Variants in RIMBP2 observed in about 807,000 individuals in gnomAD.
RIMBP2 encodes RIMS-binding protein 2.
In RIMBP2, 48 loss-of-function variants were observed where a neutral mutation model predicts 118.6. That is an observed-to-expected ratio of 0.40 (90% confidence interval 0.32 to 0.51). The LOEUF is 0.51. Among genes scored for constraint, RIMBP2 ranks in the 20% least tolerant of loss-of-function variants. RIMBP2 has a pLI of 0.41. For synonymous variants in RIMBP2, 762 were observed against 742.9 expected (o/e 1.03, Z -0.42); for missense variants, 1,551 against 1,768.3 (o/e 0.88, Z 2.20).
intron 12 of RIMBP2, 21 bp downstream of exon 12, chr12:130,438,344 A>AC: frequency 3.4e-5 from 23 of 685,442 alleles, no homozygotes; most frequent in South Asian, 5.2e-5. Context: ...AACCCTCCCC[A>AC]CCCACCCAAC....
chr12:130,444,296 C>T (rs1332140082), intron 10 of RIMBP2, among the ~76,000 whole-genome samples: 3 of 152,086 alleles, frequency 2.0e-5, no homozygotes, highest in African/African-American at 4.8e-5. Flanking sequence ...TGAGGCAGCT[C>T]GACTGCTGGG....
chr12:130,591,602 C>T (rs1208921815), intron 2 of RIMBP2, among the ~76,000 whole-genome samples: 4 of 152,314 alleles, frequency 2.6e-5, no homozygotes, highest in African/African-American at 9.6e-5. Flanking sequence ...CTCCTTCCAG[C>T]CCCTTCCAGC....
At chr12:130,626,833 C>T (rs896229101) in intron 2 of RIMBP2, among the ~76,000 whole-genome samples, 2 of 150,630 alleles carry the variant, frequency 1.3e-5, no homozygotes, top group African/African-American at 2.4e-5. Flanking sequence ...ACCACCATCT[C>T]CTCCATCACC....
At chr12:130,561,745 C>T (rs773083145) in intron 2 of RIMBP2, among the ~76,000 whole-genome samples, 43 of 152,108 alleles carry the variant, frequency 2.8e-4, no homozygotes, top group Non-Finnish European at 3.8e-4. Context: ...GGTTTCTGAA[C>T]GCAGAGGCAG....
At chr12:130,651,912 G>A (rs2063248237) in intron 1 of RIMBP2, among the ~76,000 whole-genome samples, 1 of 152,130 alleles carries the variant, frequency 6.6e-6, no homozygotes, top group African/African-American at 2.4e-5. Flanking sequence ...GGAATTAAAA[G>A]CATTTTATTT....
chr12:130,529,180 A>G (rs1447312798), intron 2 of RIMBP2, among the ~76,000 whole-genome samples: 1 of 152,190 alleles, frequency 6.6e-6, no homozygotes, highest in African/African-American at 2.4e-5. Context: ...TGACATGCTG[A>G]TTCATGCCAC....
chr12:130,508,982 G>A (rs909345913), intron 3 of RIMBP2, among the ~76,000 whole-genome samples: 16 of 152,086 alleles, frequency 1.1e-4, no homozygotes, highest in Admixed American at 2.0e-4. Context: ...CGTACCATCC[G>A]GCTTCTAATC....
At chr12:130,696,173 A>G (rs1261154393) in intron 1 of RIMBP2, among the ~76,000 whole-genome samples, 2 of 152,172 alleles carry the variant, frequency 1.3e-5, no homozygotes, top group African/African-American at 2.4e-5. Context: ...GTCCACAAGG[A>G]CAGGCACATG....
chr12:130,560,736 A>G (rs2056754537), intron 2 of RIMBP2, among the ~76,000 whole-genome samples: 1 of 152,226 alleles, frequency 6.6e-6, no homozygotes, highest in Non-Finnish European at 1.5e-5. Flanking sequence ...CAACAGGCAT[A>G]GATCAACCTG....
intron 1 of RIMBP2, among the ~76,000 whole-genome samples, chr12:130,672,412 G>A (rs1207586296): frequency 6.6e-6 from 1 of 152,244 alleles, no homozygotes; most frequent in Non-Finnish European, 1.5e-5. Context: ...ATTGAGCTCA[G>A]GCTCACATAA....
chr12:130,410,162 T>A (rs1328624140), intron 19 of RIMBP2, among the ~76,000 whole-genome samples: 1 of 152,244 alleles, frequency 6.6e-6, no homozygotes, highest in African/African-American at 2.4e-5. Context: ...TTTCATGTGC[T>A]TATTTGCCAC....
Position 130,396,782 on chromosome 12 carries a change from G to GT in RIMBP2, c.*578dup, listed in dbSNP as rs1306501809. On this transcript the variant is annotated 3_prime_UTR_variant, in exon 23 of 23. Transcript: ENST00000690449. ...GGCTGGCTTTGAAAGACTGAAACTAGTATCTTAAAATGCACAGCCTGTACA... is the reference window on the plus strand; with the variant it reads ...GGCTGGCTTTGAAAGACTGAAACTAGTTATCTTAAAATGCACAGCCTGTACA... 1.3e-5 allele frequency: 2 copies of GT among 152,578 alleles called. No homozygotes were observed. Among genetic ancestry groups the GT allele is most frequent in the Non-Finnish European group, 2.9e-5 (2 of 68,032 alleles). The allele number at this position is 152,578 out of a possible 1,614,324, so 9.5% of individuals were successfully genotyped here. A position where few individuals can be genotyped will look rare whatever the true frequency, so the allele number is the denominator to read the frequency against.
chr12:130,443,274 T>C (rs550590739), intron 10 of RIMBP2, among the ~76,000 whole-genome samples: 1 of 149,280 alleles, frequency 6.7e-6, no homozygotes, highest in Admixed American at 6.6e-5. Flanking sequence ...TCAAAGTAGC[T>C]CTTGTGGTTA....
intron 14 of RIMBP2, chr12:130,432,111 G>A (rs572645823): frequency 3.0e-5 from 12 of 403,186 alleles, no homozygotes; most frequent in South Asian, 2.2e-4. Flanking sequence ...CAGAGAACAA[G>A]TGCTCCAGCC....
chr12:130,459,659 A>G (rs1301022296), intron 6 of RIMBP2, among the ~76,000 whole-genome samples: 4 of 152,318 alleles, frequency 2.6e-5, no homozygotes, highest in African/African-American at 9.6e-5. Context: ...ACCTGCCAGC[A>G]GCCTGCAGGC....
Position 130,424,576 on chromosome 12 carries a change from C to G in RIMBP2, c.2695G>C (p.Asp899His), listed in dbSNP as rs188436237. Reference protein sequence around the residue: ...RGSGAVPHVEDFLLEDRGCRF... With the variant: ...RGSGAVPHVEHFLLEDRGCRF... ...CAGCCCCTGTCTTCCAGAAGGAAGT[C>G]CTCCACGTGGGGGACGGCCCCCGAG... The change falls in exon 16 of 23, where the codon GAC becomes CAC. Residue 899 changes from aspartate (D) to histidine (H), a missense_variant. Physicochemically the swap from Asp to His is moderately conservative, Grantham distance 81. Transcript: ENST00000690449. This position sits in a 1 kb window ranked among gnomAD's most constrained non-coding sequence, Gnocchi z 9.8. The G allele has an allele frequency of 1.6e-6, 2 of 1,231,996 alleles. No homozygotes were observed. The highest frequency in any genetic ancestry group is 6.3e-5 in the East Asian group (2 of 31,690). The allele number at this position is 1,231,996 out of a possible 1,614,324, so 76.3% of individuals were successfully genotyped here.
chr12:130,401,714 G>T (rs1279036089), intron 21 of RIMBP2, among the ~76,000 whole-genome samples: 2 of 151,956 alleles, frequency 1.3e-5, no homozygotes, highest in Non-Finnish European at 1.5e-5. Context: ...CCTATCGAGG[G>T]TTTTTAATAA....
At chr12:130,640,670 G>T (rs989119907) in intron 1 of RIMBP2, among the ~76,000 whole-genome samples, 2 of 152,190 alleles carry the variant, frequency 1.3e-5, no homozygotes, top group African/African-American at 4.8e-5. Context: ...GGCCCAGAGG[G>T]CTTCAGGCAC....
At chr12:130,659,912 T>G (rs1344932020) in intron 1 of RIMBP2, 1 of 150,298 alleles carries the variant, frequency 6.7e-6, no homozygotes. Context: ...AGGAAGAGGT[T>G]GCAGTGAGCT....
Sources: allele counts gnomAD v4.1 joint callset (sites outside exome capture counted in the v4.1 genomes callset), GRCh38; gene constraint gnomAD v4.1.1; non-coding constraint Gnocchi (gnomAD v3.1); transcripts MANE v1.5; gene names NCBI Gene and HGNC (gene_info 2026-07-23, HGNC 2026-07-21).